Variants in TRPM3 observed in about 807,000 individuals in gnomAD.
TRPM3 encodes long transient receptor potential channel 3.
Under a neutral mutation model 181.2 loss-of-function variants are expected in TRPM3, and 77 were observed. That is an observed-to-expected ratio of 0.42 (90% CI 0.35 to 0.51). The LOEUF (loss-of-function observed/expected upper bound fraction) is 0.51, where lower values mean the gene tolerates loss of function less well. Ranked by LOEUF, TRPM3 falls within the 20% of genes least tolerant of loss-of-function variation. TRPM3 has a pLI of 0.01. For synonymous variants in TRPM3, 745 were observed against 796.4 expected (o/e 0.94, Z 1.09); for missense variants, 1,759 against 2,196.7 (o/e 0.80, Z 3.98).
At chr9:71,410,416 T>C (rs950258536) in intron 1 of TRPM3, among the ~76,000 whole-genome samples, 1 of 151,944 alleles carries the variant, frequency 6.6e-6, no homozygotes, top group African/African-American at 2.4e-5. Context: ...TAAAAAATAA[T>C]AAAGGGGATA....
chr9:71,127,840 C>T (rs759134645), intron 1 of TRPM3, among the ~76,000 whole-genome samples: 92 of 152,274 alleles, frequency 6.0e-4, no homozygotes, highest in Admixed American at 1.0e-3. Flanking sequence ...TTAATCTTAT[C>T]ATGCTTTAGT....
chr9:70,898,676 A>T (rs2096329111), intron 1 of TRPM3, among the ~76,000 whole-genome samples: 1 of 141,996 alleles, frequency 7.0e-6, no homozygotes, highest in African/African-American at 2.6e-5. Context: ...TGAACCCGGG[A>T]GGTAGAGGTT....
intron 1 of TRPM3, among the ~76,000 whole-genome samples, chr9:71,089,151 AT>A (rs1467081645): frequency 6.8e-6 from 1 of 147,604 alleles, no homozygotes; most frequent in Non-Finnish European, 1.5e-5. Context: ...ATGAATATAT[AT>A]TTTATATCAT....
intron 1 of TRPM3, among the ~76,000 whole-genome samples, chr9:71,359,290 T>C (rs1201947077): frequency 6.6e-6 from 1 of 152,156 alleles, no homozygotes; most frequent in East Asian, 1.9e-4. Context: ...CTGAGGTGGG[T>C]GTGTATGTGC....
chr9:71,084,278 T>C (rs903483605), intron 1 of TRPM3, among the ~76,000 whole-genome samples: 1 of 152,022 alleles, frequency 6.6e-6, no homozygotes, highest in African/African-American at 2.4e-5. Context: ...TAAAAACTGC[T>C]CTAAGAATCT....
intron 8 of TRPM3, among the ~76,000 whole-genome samples, chr9:70,698,333 C>T (rs527302142): frequency 3.3e-5 from 5 of 152,192 alleles, no homozygotes; most frequent in East Asian, 1.9e-4. Flanking sequence ...TGTGAGTTTC[C>T]GTCCTGTCTC....
At chr9:70,892,082 A>G (rs1056440715) in intron 1 of TRPM3, among the ~76,000 whole-genome samples, 2 of 152,202 alleles carry the variant, frequency 1.3e-5, no homozygotes, top group African/African-American at 4.8e-5. Context: ...TTACGAGGAA[A>G]AAAAGGGAAA....
At chr9:71,171,825 A>G (rs7040038) in intron 1 of TRPM3, among the ~76,000 whole-genome samples, 101,382 of 151,898 alleles carry the variant, frequency 0.67, 34,290 homozygotes, top group African/African-American at 0.77. Flanking sequence ...GCAGCTTCAC[A>G]CATCTAAGAC....
chr9:70,742,948 C>T (rs1280479833), intron 8 of TRPM3, among the ~76,000 whole-genome samples: 4 of 152,128 alleles, frequency 2.6e-5, no homozygotes, highest in African/African-American at 4.8e-5. Context: ...CACAATCAAT[C>T]ACCAATTCCT....
At chr9:71,443,193 C>T (rs992037226) in intron 1 of TRPM3, among the ~76,000 whole-genome samples, 12 of 152,038 alleles carry the variant, frequency 7.9e-5, no homozygotes, top group Non-Finnish European at 1.0e-4. Flanking sequence ...TTTACCGTAT[C>T]GGAATTTTAT....
intron 1 of TRPM3, among the ~76,000 whole-genome samples, chr9:71,066,673 T>C (rs1470955633): frequency 6.6e-6 from 1 of 152,194 alleles, no homozygotes; most frequent in Non-Finnish European, 1.5e-5. Context: ...ATGTACACTG[T>C]TAATTACTGC....
chr9:71,416,401 G>GT (rs2093637723), intron 1 of TRPM3, among the ~76,000 whole-genome samples: 1 of 151,788 alleles, frequency 6.6e-6, no homozygotes, highest in African/African-American at 2.4e-5. Flanking sequence ...CTGTTTTAAT[G>GT]TTTTTCCCAA....
intron 1 of TRPM3, among the ~76,000 whole-genome samples, chr9:71,421,029 A>AAGAGAGAAAAAGAG (rs1563912969): frequency 6.7e-6 from 1 of 149,632 alleles, no homozygotes; most frequent in African/African-American, 2.5e-5. Flanking sequence ...AAGAGAGAAA[A>AAGAGAGAAAAAGAG]AGAAAAAGAG....
At chr9:71,000,412 C>G (rs1159250254) in intron 1 of TRPM3, among the ~76,000 whole-genome samples, 1 of 152,184 alleles carries the variant, frequency 6.6e-6, no homozygotes, top group Non-Finnish European at 1.5e-5. Context: ...GTTTTCAGAT[C>G]CATGGCCAGG....
chr9:70,793,285 CT>C (rs1466595207), intron 6 of TRPM3, among the ~76,000 whole-genome samples: 1 of 151,730 alleles, frequency 6.6e-6, no homozygotes, highest in African/African-American at 2.4e-5. Flanking sequence ...AAGAACCTGT[CT>C]CTACAAAAAT....
intron 1 of TRPM3, among the ~76,000 whole-genome samples, chr9:71,037,708 G>GC (rs941408706): frequency 1.3e-5 from 2 of 152,192 alleles, no homozygotes; most frequent in African/African-American, 4.8e-5. Context: ...AAGAAGACAT[G>GC]CACAGAAACC....
Position 70,606,629 on chromosome 9 carries a change from TTGTG to T in TRPM3, c.2668-3163_2668-3160del, listed in dbSNP as rs774974386. 2.8e-4 allele frequency among the ~76,000 whole-genome samples: 39 copies of T among 141,334 alleles called. No homozygotes were observed. In the South Asian group the frequency reaches 2.9e-3, roughly 10 times the overall value. 92.7% of individuals were successfully genotyped at this position (141,334 alleles called of 152,430 possible). A position where few individuals can be genotyped will look rare whatever the true frequency, so the allele number is the denominator to read the frequency against. ...ATTATCTTGACATGACATGCTTTAATTGTGTGTGTGTGTGTGTGTGTGTATATAT... is the reference window on the plus strand; with the variant it reads ...ATTATCTTGACATGACATGCTTTAATTGTGTGTGTGTGTGTGTGTATATAT... On this transcript the variant is annotated intron_variant, in intron 19 of 25. Transcript: ENST00000677713.
chr9:71,332,373 T>TGTG (rs2090257967), intron 1 of TRPM3, among the ~76,000 whole-genome samples: 6 of 118,894 alleles, frequency 5.0e-5, no homozygotes, highest in Admixed American at 1.7e-4. Flanking sequence ...GTTTTCAATG[T>TGTG]TGGGTGTGTG....
chr9:70,561,791 G>C (rs1355858931), intron 22 of TRPM3, among the ~76,000 whole-genome samples: 1 of 152,184 alleles, frequency 6.6e-6, no homozygotes, highest in Non-Finnish European at 1.5e-5. Context: ...CAGACACACA[G>C]CTTGGGAAGT....
Sources: gnomAD v4.1 joint callset for allele counts (sites outside exome capture counted in the v4.1 genomes callset) on GRCh38, gnomAD v4.1.1 for gene constraint, MANE v1.5 for transcripts, NCBI Gene and HGNC (gene_info 2026-07-23, HGNC 2026-07-21) for gene names.